CSMD1: variants seen among roughly 807,000 people sequenced by gnomAD.
CSMD1 encodes the protein CUB and Sushi multiple domains 1.
CSMD1 carries 213 observed loss-of-function variants against 417.5 expected under a neutral mutation model. That is an observed-to-expected ratio of 0.51 (90% CI 0.46 to 0.57). CSMD1 has a LOEUF of 0.57. Ranked by LOEUF, CSMD1 falls within the 20% of genes least tolerant of loss-of-function variation. The pLI is 0.00. For synonymous variants in CSMD1, 2,862 were observed against 1,736.8 expected (o/e 1.65, Z -16.11); for missense variants, 6,923 against 4,529.7 (o/e 1.53, Z -15.17).
At chr8:3,635,560 T>C (rs542941217) in intron 7 of CSMD1, among the ~76,000 whole-genome samples, 1 of 148,340 alleles carries the variant, frequency 6.7e-6, no homozygotes, top group Non-Finnish European at 1.5e-5. Context: ...CTCAGCTCAC[T>C]GCAAGCTACA....
At chr8:3,114,322 G>C (rs1022689871) in intron 42 of CSMD1, among the ~76,000 whole-genome samples, 1 of 151,890 alleles carries the variant, frequency 6.6e-6, no homozygotes, top group Non-Finnish European at 1.5e-5. Context: ...ATCATTTATA[G>C]ATGGTTTTCT....
intron 1 of CSMD1, among the ~76,000 whole-genome samples, chr8:4,920,287 C>T (rs1278862996): frequency 3.9e-5 from 6 of 151,986 alleles, no homozygotes; most frequent in African/African-American, 1.5e-4. Context: ...ATGAGCGATC[C>T]AAGGCAGTTC....
chr8:3,681,727 T>C (rs1398862284), intron 7 of CSMD1, among the ~76,000 whole-genome samples: 1 of 152,090 alleles, frequency 6.6e-6, no homozygotes, highest in Non-Finnish European at 1.5e-5. Context: ...GAGCCCGCAT[T>C]GCCAAGTCAA....
chr8:4,361,328 G>A (rs368087957), intron 3 of CSMD1, among the ~76,000 whole-genome samples: 1 of 152,132 alleles, frequency 6.6e-6, no homozygotes, highest in Non-Finnish European at 1.5e-5. Context: ...ATTAGATAAT[G>A]ATATATCTGA....
chr8:4,810,551 G>T lies in CSMD1; in HGVS notation c.86-172993C>A, dbSNP rs564791271. Among the ~76,000 whole-genome samples, 3 of 152,300 alleles carry T rather than the reference G, an allele frequency of 2.0e-5. No homozygotes were observed. In the South Asian group the frequency reaches 6.2e-4, roughly 32 times the overall value. The stretch of plus-strand genomic sequence containing the variant: ...CGTGTGTGTGTGTGTGCGCACGCGC[G>T]TATGTGTGTGTATGTGGGGGGTGGT... On this transcript the variant is annotated intron_variant, in intron 1 of 69. Coordinates refer to ENST00000635120, the MANE Select transcript of CSMD1 (RefSeq NM_033225.6).
intron 6 of CSMD1, among the ~76,000 whole-genome samples, chr8:3,735,146 G>C (rs547386380): frequency 5.3e-5 from 8 of 152,214 alleles, no homozygotes; most frequent in African/African-American, 1.9e-4. Context: ...ATTTCCTTCA[G>C]CTGATACATT....
intron 1 of CSMD1, among the ~76,000 whole-genome samples, chr8:4,653,481 A>T (rs1804036464): frequency 6.6e-6 from 1 of 152,128 alleles, no homozygotes; most frequent in African/African-American, 2.4e-5. Context: ...CATTTCAAAT[A>T]AAGGAAAGAC....
At chr8:3,467,852 G>C (rs1358150604) in intron 12 of CSMD1, among the ~76,000 whole-genome samples, 1 of 152,048 alleles carries the variant, frequency 6.6e-6, no homozygotes, top group Admixed American at 6.6e-5. Flanking sequence ...ACATTTTTCA[G>C]CTCCTAAAAC....
intron 12 of CSMD1, among the ~76,000 whole-genome samples, chr8:3,423,983 G>A (rs1307053341): frequency 2.6e-5 from 4 of 152,088 alleles, no homozygotes; most frequent in Non-Finnish European, 4.4e-5. Flanking sequence ...CACAGTACCA[G>A]TTTTCTTTGT....
At chr8:4,127,777 T>C (rs1218645524) in intron 3 of CSMD1, among the ~76,000 whole-genome samples, 19 of 152,362 alleles carry the variant, frequency 1.2e-4, no homozygotes, top group African/African-American at 4.6e-4. Context: ...TTGTCTCATT[T>C]AATCTTTACT....
chr8:4,093,309 C>T (rs1563114337), intron 3 of CSMD1, among the ~76,000 whole-genome samples: 1 of 151,758 alleles, frequency 6.6e-6, no homozygotes, highest in Non-Finnish European at 1.5e-5. Flanking sequence ...TTAAATAAAC[C>T]AGGTTTTAAT....
At chr8:3,344,325 G>C (rs1807848551) in intron 22 of CSMD1, among the ~76,000 whole-genome samples, 1 of 152,152 alleles carries the variant, frequency 6.6e-6, no homozygotes. Flanking sequence ...CTTTCTAGTA[G>C]GACAAATACC....
At chr8:3,439,904 A>G (rs1020897334) in intron 12 of CSMD1, among the ~76,000 whole-genome samples, 1 of 152,216 alleles carries the variant, frequency 6.6e-6, no homozygotes, top group Non-Finnish European at 1.5e-5. Flanking sequence ...CCATTCACTG[A>G]AAAGACTATT....
At chr8:3,574,722 C>T (rs954073513) in intron 10 of CSMD1, among the ~76,000 whole-genome samples, 11 of 152,162 alleles carry the variant, frequency 7.2e-5, no homozygotes, top group Admixed American at 7.2e-4. Context: ...ACTTTCTCTC[C>T]AGAAGCACTA....
intron 7 of CSMD1, among the ~76,000 whole-genome samples, chr8:3,707,070 T>G (rs912849037): frequency 2.0e-5 from 3 of 152,148 alleles, no homozygotes; most frequent in African/African-American, 7.2e-5. Flanking sequence ...TCTCTGCCTC[T>G]GAGGCCCAGG....
chr8:3,305,386 A>C (rs1211445185), intron 25 of CSMD1, among the ~76,000 whole-genome samples: 5 of 152,026 alleles, frequency 3.3e-5, no homozygotes, highest in African/African-American at 4.8e-5. Flanking sequence ...ACTCATGTTG[A>C]AATTTAATTG....
chr8:3,870,521 G>A (rs562746821), intron 5 of CSMD1, among the ~76,000 whole-genome samples: 2 of 152,064 alleles, frequency 1.3e-5, no homozygotes, highest in African/African-American at 4.8e-5. Context: ...TACCGTTTGA[G>A]AGCTATGGTC....
chr8:3,255,303 C>G (rs1001897007), intron 26 of CSMD1, among the ~76,000 whole-genome samples: 5 of 152,106 alleles, frequency 3.3e-5, no homozygotes, highest in Admixed American at 6.6e-5. Context: ...CCCAGTTAGG[C>G]TTCTCGGGGG....
chr8:3,766,973 G>C (rs1450254923), intron 5 of CSMD1, among the ~76,000 whole-genome samples: 1 of 152,130 alleles, frequency 6.6e-6, no homozygotes, highest in Non-Finnish European at 1.5e-5. Context: ...GCAATCATAT[G>C]GGTCCCCAGG....
Sources: gnomAD v4.1 joint callset for allele counts (sites outside exome capture counted in the v4.1 genomes callset) on GRCh38, gnomAD v4.1.1 for gene constraint, MANE v1.5 for transcripts, NCBI Gene and HGNC (gene_info 2026-07-23, HGNC 2026-07-21) for gene names.